LMBR1: variants seen among roughly 807,000 people sequenced by gnomAD.
The protein encoded by LMBR1 is limb development membrane protein 1, also known as limb region 1 protein homolog.
LMBR1 carries 52 observed loss-of-function variants against 73.9 expected under a neutral mutation model. That is an observed-to-expected ratio of 0.70 (90% CI 0.56 to 0.89). The LOEUF is 0.89. Among genes scored for constraint, LMBR1 ranks in the 40% least tolerant of loss-of-function variants. The pLI is 0.00. For missense variants in LMBR1, 539 were observed against 579.8 expected, an observed-to-expected ratio of 0.93 and a Z score of 0.72; for synonymous variants, 215 against 209.4, an observed-to-expected ratio of 1.03 and a Z score of -0.23.
At chr7:156,816,198 T>C (rs1388045265) in intron 4 of LMBR1, among the ~76,000 whole-genome samples, 2 of 152,156 alleles carry the variant, frequency 1.3e-5, no homozygotes, top group South Asian at 2.1e-4. Context: ...TTTTTTTCTT[T>C]CTTCCTTTTT....
intron 4 of LMBR1, among the ~76,000 whole-genome samples, chr7:156,671,839 A>AT (rs1165694597): frequency 1.5e-5 from 2 of 130,606 alleles, no homozygotes; most frequent in South Asian, 2.3e-4. Flanking sequence ...GCTAGAAATA[A>AT]ATTTTTTTTA....
intron 1 of LMBR1, among the ~76,000 whole-genome samples, chr7:156,841,017 C>G (rs1838615329): frequency 1.4e-5 from 2 of 147,812 alleles, no homozygotes; most frequent in African/African-American, 5.0e-5. Context: ...AGGGCCAGGA[C>G]AGAGGCAAGG....
At chr7:156,688,540 A>AGG (rs1211935006) in intron 15 of LMBR1, among the ~76,000 whole-genome samples, 1 of 152,052 alleles carries the variant, frequency 6.6e-6, no homozygotes, top group African/African-American at 2.4e-5. Context: ...CTACCGAGAC[A>AGG]GGACGGCTGT....
intron 1 of LMBR1, among the ~76,000 whole-genome samples, chr7:156,859,627 A>C (rs1474232608): frequency 6.6e-6 from 1 of 152,128 alleles, no homozygotes; most frequent in Non-Finnish European, 1.5e-5. Flanking sequence ...CTTGGATATA[A>C]AACTACAAAA....
At position 156,680,278 on chromosome 7, in the gene LMBR1, A is replaced by T. The variant is rs1804778604; in HGVS notation, c.*3800T>A. 1 of 152,172 alleles carries T rather than the reference A, an allele frequency of 6.6e-6. No individual in the cohort carries two copies. 9.4% of individuals were successfully genotyped at this position (152,172 alleles called of 1,614,324 possible). ...ACAAAGTAACTTAGTGTCTGTGTCT[A>T]GTATTTTTAAAAATAATAAAACAGA... is the stretch of plus-strand genomic sequence containing the variant. On this transcript the variant is annotated 3_prime_UTR_variant, in exon 17 of 17. Transcript: ENST00000353442.
intron 1 of LMBR1, 55 bp from the exon 2 acceptor site, chr7:156,836,940 T>C: frequency 2.8e-6 from 3 of 1,064,410 alleles, no homozygotes; most frequent in East Asian, 2.6e-5. Flanking sequence ...CTTTTTTAAA[T>C]ACTAGAAGAT....
At chr7:156,891,297 C>T (rs1458550511) in intron 1 of LMBR1, among the ~76,000 whole-genome samples, 5 of 140,194 alleles carry the variant, frequency 3.6e-5, no homozygotes, top group Non-Finnish European at 7.6e-5. Flanking sequence ...TATATATATT[C>T]ATAGCCAAAA....
At chr7:156,866,385 A>C (rs1798459210) in intron 1 of LMBR1, among the ~76,000 whole-genome samples, 1 of 151,950 alleles carries the variant, frequency 6.6e-6, no homozygotes, top group African/African-American at 2.4e-5. Context: ...TTGAAACAAA[A>C]ATCATTAGTT....
At chr7:156,742,792 C>T (rs1819140035) in intron 9 of LMBR1, among the ~76,000 whole-genome samples, 1 of 152,030 alleles carries the variant, frequency 6.6e-6, no homozygotes, top group African/African-American at 2.4e-5. Flanking sequence ...TACCAAGACA[C>T]ATCAAAGAAA....
At chr7:156,694,582 G>C (rs1807889364) in intron 15 of LMBR1, among the ~76,000 whole-genome samples, 1 of 152,140 alleles carries the variant, frequency 6.6e-6, no homozygotes, top group Non-Finnish European at 1.5e-5. Flanking sequence ...GAGCAATCAA[G>C]TTAGAAAAAC....
intron 15 of LMBR1, among the ~76,000 whole-genome samples, chr7:156,695,955 G>A (rs555462814): frequency 6.6e-6 from 1 of 152,176 alleles, no homozygotes; most frequent in Non-Finnish European, 1.5e-5. Flanking sequence ...AGGTAATGCA[G>A]TGGAAAATGA....
At chr7:156,830,313 A>C (rs1040864325) in intron 3 of LMBR1, among the ~76,000 whole-genome samples, 1 of 152,218 alleles carries the variant, frequency 6.6e-6, no homozygotes, top group Non-Finnish European at 1.5e-5. Context: ...GATTACTATA[A>C]AAATATATTT....
intron 1 of LMBR1, among the ~76,000 whole-genome samples, chr7:156,884,614 A>G (rs1219212854): frequency 6.6e-6 from 1 of 152,142 alleles, no homozygotes; most frequent in Non-Finnish European, 1.5e-5. Flanking sequence ...ACCCTTCCCA[A>G]ACTACCTAGT....
chr7:156,805,545 TAA>T (rs776857378), intron 4 of LMBR1, among the ~76,000 whole-genome samples: 4 of 152,220 alleles, frequency 2.6e-5, no homozygotes, highest in Non-Finnish European at 5.9e-5. Flanking sequence ...ACTGTAGCTT[TAA>T]AAGAGTCTTT....
At chr7:156,833,335 G>T (rs192607487) in intron 3 of LMBR1, 1 of 157,620 alleles carries the variant, frequency 6.3e-6, no homozygotes, top group East Asian at 1.9e-4. Context: ...ATATCTCACC[G>T]GTGTACATAA....
At chr7:156,708,412 T>C (rs1165426281) in intron 15 of LMBR1, among the ~76,000 whole-genome samples, 1 of 152,022 alleles carries the variant, frequency 6.6e-6, no homozygotes, top group East Asian at 1.9e-4. Context: ...TAACCTTACT[T>C]AGAGTTGAAA....
chr7:156,707,036 A>G (rs957512926), intron 15 of LMBR1, among the ~76,000 whole-genome samples: 30 of 152,232 alleles, frequency 2.0e-4, no homozygotes, highest in African/African-American at 7.2e-4. Context: ...GAAAATCAGA[A>G]ATGAAAAAGT....
intron 15 of LMBR1, among the ~76,000 whole-genome samples, chr7:156,690,529 G>C (rs141341664): frequency 6.6e-6 from 1 of 152,192 alleles, no homozygotes; most frequent in African/African-American, 2.4e-5. Flanking sequence ...TGCAAAACGG[G>C]AAAGTGCTTT....
At position 156,680,110 on chromosome 7, in the gene LMBR1, T is replaced by A. The variant is rs1212519623; in HGVS notation, c.*3968A>T. ...CACAGTACTTTTGCTTCAGTTGTGTTTGCAGCAATAATTTTTACCTAAACA... is the reference window on the plus strand; with the variant it reads ...CACAGTACTTTTGCTTCAGTTGTGTATGCAGCAATAATTTTTACCTAAACA... On this transcript the variant is annotated 3_prime_UTR_variant, in exon 17 of 17. Transcript: ENST00000353442. The A allele has an allele frequency of 6.6e-6, 1 of 151,930 alleles. No homozygotes were observed. Among genetic ancestry groups the A allele is most frequent in the African/African-American group, 2.4e-5 (1 of 41,336 alleles). The allele number at this position is 151,930 out of a possible 1,614,324, so 9.4% of individuals were successfully genotyped here.
Sources: gnomAD v4.1 joint callset for allele counts (sites outside exome capture counted in the v4.1 genomes callset) on GRCh38, gnomAD v4.1.1 for gene constraint, MANE v1.5 for transcripts, NCBI Gene and HGNC (gene_info 2026-07-23, HGNC 2026-07-21) for gene names.